PPARD: variants seen among roughly 807,000 people sequenced by gnomAD.
PPARD encodes peroxisome proliferator-activated receptor delta.
Under a neutral mutation model 39.5 loss-of-function variants are expected in PPARD, and 6 were observed. The ratio of observed to expected loss-of-function variants is 0.15; its 90% CI spans 0.08 to 0.30. PPARD has a LOEUF of 0.30. PPARD is among the 10% of genes least tolerant of loss of function. The pLI is 1.00. For synonymous variants in PPARD, 210 were observed against 231.3 expected (o/e 0.91, Z 0.83); for missense variants, 397 against 596.8 (o/e 0.67, Z 3.49).
chr6:35,397,960 A>C (rs1181586738), intron 2 of PPARD, among the ~76,000 whole-genome samples: 1 of 152,262 alleles, frequency 6.6e-6, no homozygotes, highest in East Asian at 1.9e-4. Flanking sequence ...GCTAGAGAGA[A>C]AAGCCGCTGC....
At chr6:35,407,751 A>G (rs1765151855) in intron 2 of PPARD, among the ~76,000 whole-genome samples, 1 of 151,272 alleles carries the variant, frequency 6.6e-6, no homozygotes, top group Non-Finnish European at 1.5e-5. Flanking sequence ...CTCCATGCCG[A>G]GTCTGAATAT....
At chr6:35,376,877 G>A (rs1762842522) in intron 2 of PPARD, among the ~76,000 whole-genome samples, 1 of 152,040 alleles carries the variant, frequency 6.6e-6, no homozygotes, top group South Asian at 2.1e-4. Context: ...AAAATTAGCC[G>A]GGTGAGGTGG....
intron 2 of PPARD, among the ~76,000 whole-genome samples, chr6:35,388,371 G>T (rs1158028313): frequency 6.6e-6 from 1 of 152,124 alleles, no homozygotes; most frequent in African/African-American, 2.4e-5. Flanking sequence ...GGGGCAGGAA[G>T]GGGAGAGCTT....
chr6:35,374,959 G>A (rs1042841840), intron 2 of PPARD, among the ~76,000 whole-genome samples: 1 of 152,000 alleles, frequency 6.6e-6, no homozygotes, highest in Admixed American at 6.6e-5. Context: ...TGTCACTCCT[G>A]TTTTTTGCCG....
chr6:35,413,944 G>T (rs976708920), intron 3 of PPARD, among the ~76,000 whole-genome samples: 8 of 152,134 alleles, frequency 5.3e-5, no homozygotes, highest in African/African-American at 1.9e-4. Flanking sequence ...CTCCCAAAGT[G>T]TTGGGATTTC....
chr6:35,376,490 T>C (rs2150565588), intron 2 of PPARD, among the ~76,000 whole-genome samples: 1 of 152,308 alleles, frequency 6.6e-6, no homozygotes, highest in African/African-American at 2.4e-5. Context: ...CTTGTGTGGT[T>C]TGTAACTTTG....
intron 2 of PPARD, 145 bp downstream of exon 2, chr6:35,347,295 CT>C: frequency 9.4e-6 from 9 of 954,686 alleles, no homozygotes; most frequent in South Asian, 1.5e-5. Context: ...GTACCAGTTG[CT>C]TATGCATAGT....
chr6:35,405,456 A>G (rs1764980143), intron 2 of PPARD, among the ~76,000 whole-genome samples: 1 of 151,864 alleles, frequency 6.6e-6, no homozygotes, highest in Admixed American at 6.6e-5. Context: ...GGGGGTCTGA[A>G]GCTCCAGCCT....
At chr6:35,388,025 CTTTTTT>C (rs199635143) in intron 2 of PPARD, among the ~76,000 whole-genome samples, 5 of 136,670 alleles carry the variant, frequency 3.7e-5, no homozygotes, top group African/African-American at 1.3e-4. Flanking sequence ...CCTGGCCATT[CTTTTTT>C]TTTTTTTTTT....
intron 1 of PPARD, among the ~76,000 whole-genome samples, chr6:35,344,566 G>C (rs1792056111): frequency 6.6e-6 from 1 of 152,008 alleles, no homozygotes; most frequent in Non-Finnish European, 1.5e-5. Flanking sequence ...CATATCCTTT[G>C]TTTCTACCCA....
intron 2 of PPARD, among the ~76,000 whole-genome samples, chr6:35,351,634 G>A (rs1667686964): frequency 6.6e-6 from 1 of 151,784 alleles, no homozygotes. Context: ...CTCACTTGCA[G>A]CCTCCAACTT....
At chr6:35,348,229 C>A in intron 2 of PPARD, 1 of 561,920 alleles carries the variant, frequency 1.8e-6, no homozygotes, top group Non-Finnish European at 2.3e-6. Flanking sequence ...TTTTTAAGTG[C>A]CAACTATGTG....
chr6:35,344,892 G>T (rs1240682411), intron 1 of PPARD, among the ~76,000 whole-genome samples: 3 of 152,198 alleles, frequency 2.0e-5, no homozygotes, highest in South Asian at 4.1e-4. Flanking sequence ...CACTTGCAAA[G>T]ATTTGGGTAG....
rs910506270 is a variant in PPARD, at chr6:35,428,135, C to T, written c.*2056C>T. The T allele has an allele frequency of 6.6e-6, 1 of 152,644 alleles. No homozygotes were observed. The highest frequency in any genetic ancestry group is 1.5e-5 in the Non-Finnish European group (1 of 68,056). The allele number at this position is 152,644 out of a possible 1,614,324, so 9.5% of individuals were successfully genotyped here. On this transcript the variant is annotated 3_prime_UTR_variant, in exon 8 of 8. Transcript: ENST00000360694. ...CTGTGTTTTTAATATAAATAGTGTA[C>T]ACAGACTGACGAAACTTTAAATAAA...
chr6:35,415,257 G>C (rs1236774691), intron 3 of PPARD, among the ~76,000 whole-genome samples: 1 of 152,352 alleles, frequency 6.6e-6, no homozygotes, highest in East Asian at 1.9e-4. Flanking sequence ...GACAGCAGAA[G>C]TAAAGAGGCT....
chr6:35,366,789 A>G lies in PPARD; in HGVS notation c.-102+19639A>G, dbSNP rs1234168637. Among the ~76,000 whole-genome samples the G allele has an allele frequency of 1.3e-5, 2 of 152,152 alleles. No homozygotes were observed. Among genetic ancestry groups the G allele is most frequent in the East Asian group, 1.9e-4 (1 of 5,192 alleles). ...GGTCTTGAACTCCTGGCCTCAAGTA[A>G]TCCACCCACTTTGGCCTCCCAAAGT... On this transcript the variant is annotated intron_variant, in intron 2 of 7. Transcript: ENST00000360694. The surrounding 1 kb of genome is among the most constrained non-coding windows in gnomAD (Gnocchi z 4.6).
chr6:35,346,216 T>G (rs140952203), intron 1 of PPARD, among the ~76,000 whole-genome samples: 65 of 152,306 alleles, frequency 4.3e-4, no homozygotes, highest in Middle Eastern at 3.4e-3. Flanking sequence ...CTATATCCTG[T>G]CCCTGAGGCC....
chr6:35,414,148 G>A (rs1765601491), intron 3 of PPARD, among the ~76,000 whole-genome samples: 1 of 152,156 alleles, frequency 6.6e-6, no homozygotes, highest in South Asian at 2.1e-4. Context: ...GTAAACTGTG[G>A]TAGAGCCATA....
intron 2 of PPARD, among the ~76,000 whole-genome samples, chr6:35,384,470 G>A (rs1259740724): frequency 1.0e-4 from 11 of 105,852 alleles, no homozygotes; most frequent in Admixed American, 2.5e-4. Flanking sequence ...CAGCCGCCCC[G>A]TCCGGGAGGG....
Sources: gnomAD v4.1 joint callset for allele counts (sites outside exome capture counted in the v4.1 genomes callset) on GRCh38, gnomAD v4.1.1 for gene constraint, Gnocchi (gnomAD v3.1) non-coding constraint, MANE v1.5 for transcripts, NCBI Gene and HGNC (gene_info 2026-07-23, HGNC 2026-07-21) for gene names.